The following UFSP2 variants were observed in gnomAD, a reference collection of about 807,000 sequenced individuals.
UFSP2 encodes the protein UFM1 specific peptidase 2, also known as ufm1-specific protease 2.
In UFSP2, 43 loss-of-function variants were observed where a neutral mutation model predicts 60.2. That is an observed-to-expected ratio of 0.71 (90% CI 0.56 to 0.92). UFSP2 has a LOEUF of 0.92. Among genes scored for constraint, UFSP2 ranks in the 40% least tolerant of loss-of-function variants. The pLI, the probability that UFSP2 is intolerant of heterozygous loss-of-function variation, is 0.00. For synonymous variants in UFSP2, 183 were observed against 195.1 expected, an observed-to-expected ratio of 0.94 and a Z score of 0.52; for missense variants, 520 against 575.0, an observed-to-expected ratio of 0.90 and a Z score of 0.98.
At chr4:185,408,542 T>G in intron 7 of UFSP2, 107 bp from the exon 8 acceptor site, 1 of 1,154,032 alleles carries the variant, frequency 8.7e-7, no homozygotes, top group Non-Finnish European at 1.2e-6. Context: ...GACTGTTACT[T>G]TAGTTCCTTA....
In UFSP2 at chr4:185,418,669, T is replaced by C. The variant is rs1192343738; in HGVS notation, c.184A>G (p.Ile62Val). 14 of 1,613,944 alleles carry C rather than the reference T, an allele frequency of 8.7e-6. No homozygotes were observed. Among genetic ancestry groups the C allele is most frequent in the East Asian group, 2.2e-5 (1 of 44,856 alleles). The change falls in exon 3 of 12, where the codon ATA becomes GTA. Residue 62 changes from isoleucine to valine, a missense_variant. Ile to Val is a conservative substitution (Grantham distance 29, BLOSUM62 3). Coordinates refer to ENST00000264689, the MANE Select transcript of UFSP2 (RefSeq NM_018359.5). ...GTGTTTATGTCACTGCTAGGCCATA[T>C]ATACACTGAACTGTGGCAAATTCTG... The part of the protein sequence containing the change: ...VFRICHSSVY[I>V]WPSSDINTIP...
chr4:185,399,887 T>G lies in UFSP2; in HGVS notation c.*505A>C. The G allele has an allele frequency of 6.5e-7, 1 of 1,541,664 alleles. No individual in the cohort carries two copies. The highest frequency in any genetic ancestry group is 1.2e-5 in the South Asian group (1 of 80,886). ...TATTTCTAGTAGTATTGTTTCATTC[T>G]CATTAACATTTTAGTACTGGTTATA... On this transcript the variant is annotated 3_prime_UTR_variant, in exon 12 of 12. Transcript: ENST00000264689.
In UFSP2 at chr4:185,425,872, C is replaced by G; in HGVS notation, c.-4G>C. 6.2e-7 allele frequency: 1 copy of G among 1,602,926 alleles called. No individual in the cohort carries two copies. On this transcript the variant is annotated 5_prime_UTR_variant, in exon 1 of 12. Transcript: ENST00000264689. ...GACGAGCAGAGATACTCACCATGTC[C>G]GCGACGTGGCGGTGACACGGGCGCT...
chr4:185,414,532 C>CAG (rs1258763659), intron 6 of UFSP2, among the ~76,000 whole-genome samples: 8 of 152,154 alleles, frequency 5.3e-5, no homozygotes, highest in African/African-American at 1.9e-4. Flanking sequence ...CCTCCACATA[C>CAG]AGAGGGTCAG....
chr4:185,422,729 A>C (rs552414288), intron 1 of UFSP2, among the ~76,000 whole-genome samples, 166 bp from the exon 2 acceptor site: 111 of 152,240 alleles, frequency 7.3e-4, no homozygotes, highest in African/African-American at 2.5e-3. Flanking sequence ...AACAAAAGCA[A>C]CCCCAAAATT....
chr4:185,422,637 A>T (rs2095551467), intron 1 of UFSP2, 74 bp from the exon 2 acceptor site: 1 of 985,170 alleles, frequency 1.0e-6, no homozygotes, highest in Non-Finnish European at 1.5e-6. Context: ...ATTAGAATCT[A>T]AGTTTAGTGT....
chr4:185,418,555 A>C, intron 3 of UFSP2, 32 bp downstream of exon 3: 2 of 1,610,858 alleles, frequency 1.2e-6, no homozygotes, highest in South Asian at 2.2e-5. Flanking sequence ...GATGTTTTGA[A>C]AACATTTCTA....
intron 11 of UFSP2, chr4:185,400,766 A>C: frequency 3.5e-6 from 1 of 283,650 alleles, no homozygotes; most frequent in South Asian, 9.5e-5. Flanking sequence ...TGAGATGTAT[A>C]GTTTTACCAC....
chr4:185,414,924 G>A (rs368621371), intron 6 of UFSP2, among the ~76,000 whole-genome samples: 2 of 152,098 alleles, frequency 1.3e-5, no homozygotes, highest in South Asian at 2.1e-4. Context: ...GAACCACACC[G>A]AGCATTTAAA....
intron 9 of UFSP2, chr4:185,406,075 A>G (rs1358604288): frequency 2.2e-6 from 2 of 894,046 alleles, no homozygotes; most frequent in Admixed American, 2.5e-5. Context: ...TGTGCTAGAT[A>G]AGACGCTAAA....
chr4:185,408,658 T>G (rs2095524369), intron 7 of UFSP2, among the ~76,000 whole-genome samples: 1 of 152,084 alleles, frequency 6.6e-6, no homozygotes, highest in Admixed American at 6.5e-5. Flanking sequence ...CCTTCTGGCC[T>G]CCTCTCCAAT....
In UFSP2 at chr4:185,419,351, C is replaced by T. The variant is rs1185924359; in HGVS notation, c.83-581G>A. On this transcript the variant is annotated intron_variant, in intron 2 of 11. Transcript: ENST00000264689. ...TTCACCACGTTAGCCAGGATGGTCT[C>T]GATCTCCTGACCTCGTGATCCACCC... 2.6e-5 allele frequency among the ~76,000 whole-genome samples: 4 copies of T among 152,072 alleles called. No individual in the cohort carries two copies. The East Asian group carries it at 5.8e-4, about 22-fold the overall frequency.
intron 6 of UFSP2, 73 bp downstream of exon 6, chr4:185,415,082 G>T: frequency 7.9e-7 from 1 of 1,272,678 alleles, no homozygotes. Flanking sequence ...CCATTTAGTG[G>T]AAATATATAA....
chr4:185,416,675 A>G (rs1444515293), intron 4 of UFSP2, among the ~76,000 whole-genome samples: 1 of 152,232 alleles, frequency 6.6e-6, no homozygotes, highest in Non-Finnish European at 1.5e-5. Flanking sequence ...TTCTCCAGCT[A>G]GAACAGAGAA....
Position 185,425,880 on chromosome 4 carries a change from G to A in UFSP2, c.-12C>T. On this transcript the variant is annotated 5_prime_UTR_variant, in exon 1 of 12. Transcript: ENST00000264689. Reference sequence around the variant, plus strand: ...GAGATACTCACCATGTCCGCGACGTGGCGGTGACACGGGCGCTGACGCCTG... The same window carrying A: ...GAGATACTCACCATGTCCGCGACGTAGCGGTGACACGGGCGCTGACGCCTG... 1 of 1,601,816 alleles carries A rather than the reference G, an allele frequency of 6.2e-7. No homozygotes were observed.
Position 185,418,505 on chromosome 4 carries a change from A to G in UFSP2, c.269T>C (p.Phe90Ser). 6.2e-7 allele frequency: 1 copy of G among 1,611,578 alleles called. No individual in the cohort carries two copies. The highest frequency in any genetic ancestry group is 8.5e-7 in the Non-Finnish European group (1 of 1,179,064). Reference protein sequence around the residue: ...ACKNILRFIQFEPEEDIKRKF... With the variant: ...ACKNILRFIQSEPEEDIKRKF... ...TCTTTTTATATCTTCTTCTGGCTCA[A>G]ATCTAAATTTTTAATACACAGACAT... is the stretch of plus-strand genomic sequence containing the variant. Residue 90 changes from phenylalanine (F) to serine (S), a missense_variant and splice_region_variant, in exon 4 of 12, where the codon TTT (phenylalanine) becomes TCT (serine). Phe to Ser is a radical substitution (Grantham distance 155). Transcript: ENST00000264689.
At chr4:185,409,353 GGTTTTT>G (rs1260511326) in intron 7 of UFSP2, among the ~76,000 whole-genome samples, 2 of 151,942 alleles carry the variant, frequency 1.3e-5, no homozygotes, top group Non-Finnish European at 2.9e-5. Flanking sequence ...TAAAGAACTG[GGTTTTT>G]GTTTTTATTT....
chr4:185,408,043 C>T lies in UFSP2; in HGVS notation c.1014G>A (p.Gly338=), dbSNP rs2095523412. 2 of 1,613,574 alleles carry T rather than the reference C, an allele frequency of 1.2e-6. No homozygotes were observed. Among genetic ancestry groups the T allele is most frequent in the Non-Finnish European group, 1.7e-6 (2 of 1,179,668 alleles). Residue 338 remains glycine, a synonymous_variant, in exon 9 of 12, where the codon GGG becomes GGA. Coordinates refer to ENST00000264689, the MANE Select transcript of UFSP2 (RefSeq NM_018359.5). ...REIQQALVDA[G]DKPATFVGSR... Reference sequence around the variant, plus strand: ...ATCCGACAAATGTTGCTGGTTTGTCCCCGGCATCGACTAGAGCCTTGATGT... The same window carrying T: ...ATCCGACAAATGTTGCTGGTTTGTCTCCGGCATCGACTAGAGCCTTGATGT...
chr4:185,405,731 G>GT lies in UFSP2; in HGVS notation c.1198+48dup, dbSNP rs368391724. 270 of 1,561,400 alleles carry GT rather than the reference G, an allele frequency of 1.7e-4. 2 individuals carry two copies. The East Asian group carries it at 4.7e-3, about 27-fold the overall frequency. On this transcript the variant is annotated intron_variant, in intron 10 of 11. Transcript: ENST00000264689. ...CATTAAATATTTATATCAATGATAA[G>GT]TTTTGCATATTACTCACTCTACCAA...
Sources: gnomAD v4.1 joint callset for allele counts (sites outside exome capture counted in the v4.1 genomes callset) on GRCh38, gnomAD v4.1.1 for gene constraint, MANE v1.5 for transcripts, NCBI Gene and HGNC (gene_info 2026-07-23, HGNC 2026-07-21) for gene names.